Variants in ZNRF3 observed in about 807,000 individuals in gnomAD.
ZNRF3 encodes zinc and ring finger 3.
A neutral mutation model predicts 72.5 loss-of-function variants in ZNRF3; 23 were observed. The observed-to-expected ratio is 0.32, with a 90% confidence interval of 0.23 to 0.45. The LOEUF (loss-of-function observed/expected upper bound fraction) is 0.45. Ranked by LOEUF, ZNRF3 falls within the 20% of genes least tolerant of loss-of-function variation. The pLI, the probability that ZNRF3 is intolerant of heterozygous loss-of-function variation, is 1.00. For synonymous variants in ZNRF3, 610 were observed against 545.3 expected (o/e 1.12, Z -1.65); for missense variants, 1,169 against 1,272.1 (o/e 0.92, Z 1.23).
intron 1 of ZNRF3, among the ~76,000 whole-genome samples, chr22:28,949,911 G>T (rs2123793999): frequency 6.6e-6 from 1 of 152,114 alleles, no homozygotes. Context: ...ACTGTGCTTT[G>T]GTATGCAGCA....
chr22:28,894,496 G>A (rs1030266940), intron 1 of ZNRF3, among the ~76,000 whole-genome samples: 1 of 152,056 alleles, frequency 6.6e-6, no homozygotes, highest in Non-Finnish European at 1.5e-5. Context: ...GCAGGAACAC[G>A]GCGTCTGTCC....
intron 1 of ZNRF3, among the ~76,000 whole-genome samples, chr22:28,979,124 T>C (rs1263220647): frequency 6.6e-6 from 1 of 152,200 alleles, no homozygotes; most frequent in Non-Finnish European, 1.5e-5. Context: ...TGTTTGGCTG[T>C]CCTGTAGCCT....
At chr22:29,037,302 G>GT (rs2036884657) in intron 2 of ZNRF3, among the ~76,000 whole-genome samples, 1 of 152,164 alleles carries the variant, frequency 6.6e-6, no homozygotes, top group Non-Finnish European at 1.5e-5. Context: ...GGAATTCCTG[G>GT]TAAGTGGTGG....
Position 29,053,650 on chromosome 22 carries a change from T to G in ZNRF3, c.*28T>G. 6.2e-7 allele frequency: 1 copy of G among 1,610,436 alleles called. No individual in the cohort carries two copies. Among genetic ancestry groups the G allele is most frequent in the Non-Finnish European group, 8.5e-7 (1 of 1,178,156 alleles). ...TCAGGAGGAACTCTTACCTGGAAAT[T>G]GGGAACTGTATGGAGACTCCAAACT... On this transcript the variant is annotated 3_prime_UTR_variant, in exon 9 of 9. Transcript: ENST00000544604.
At chr22:28,885,867 T>C (rs1052340311) in intron 1 of ZNRF3, among the ~76,000 whole-genome samples, 1 of 151,870 alleles carries the variant, frequency 6.6e-6, no homozygotes, top group African/African-American at 2.4e-5. Context: ...GCAGAAGGAA[T>C]CTATTCTCTT....
intron 2 of ZNRF3, among the ~76,000 whole-genome samples, chr22:28,988,789 A>G (rs1007784624): frequency 1.3e-5 from 2 of 152,170 alleles, no homozygotes; most frequent in Non-Finnish European, 2.9e-5. Flanking sequence ...TTATGCAGGA[A>G]TTGGCTCCTT....
At chr22:28,921,649 G>A (rs2034515569) in intron 1 of ZNRF3, among the ~76,000 whole-genome samples, 1 of 152,212 alleles carries the variant, frequency 6.6e-6, no homozygotes, top group South Asian at 2.1e-4. Context: ...AGATGTGTCT[G>A]TCTCCCTAAC....
intron 1 of ZNRF3, among the ~76,000 whole-genome samples, chr22:28,924,096 A>G (rs927703633): frequency 4.6e-5 from 7 of 152,254 alleles, no homozygotes; most frequent in Non-Finnish European, 8.8e-5. Context: ...CTCTCTGCTG[A>G]TGTAATCGTA....
intron 1 of ZNRF3, among the ~76,000 whole-genome samples, chr22:28,896,560 G>A (rs1049205531): frequency 1.3e-5 from 2 of 152,232 alleles, no homozygotes; most frequent in Non-Finnish European, 2.9e-5. Context: ...CACTGTGCCC[G>A]GCCTGAGAAT....
At position 28,889,472 on chromosome 22, in the gene ZNRF3, G is replaced by T. The variant is rs2033847781; in HGVS notation, c.300+5406G>T. On this transcript the variant is annotated intron_variant, in intron 1 of 8. Transcript: ENST00000544604. The stretch of plus-strand genomic sequence containing the variant: ...ACAAGAGTTGTACGGAAGTCTACAG[G>T]TCTGGGTGCCTCCATTGAACATATT... Among the ~76,000 whole-genome samples the T allele has an allele frequency of 3.3e-5, 5 of 152,254 alleles. No individual in the cohort carries two copies. The South Asian group carries it at 1.0e-3, about 32-fold the overall frequency.
At chr22:29,032,463 T>C (rs2036781240) in intron 2 of ZNRF3, among the ~76,000 whole-genome samples, 1 of 152,194 alleles carries the variant, frequency 6.6e-6, no homozygotes, top group Non-Finnish European at 1.5e-5. Context: ...ACACGATGTC[T>C]GCATTCGAAC....
chr22:28,903,619 A>G (rs2034151422), intron 1 of ZNRF3, among the ~76,000 whole-genome samples: 1 of 152,038 alleles, frequency 6.6e-6, no homozygotes, highest in Non-Finnish European at 1.5e-5. Flanking sequence ...TGGGCTCTGC[A>G]TTCCTCTCCT....
chr22:28,894,499 G>A (rs955292851), intron 1 of ZNRF3, among the ~76,000 whole-genome samples: 6 of 152,208 alleles, frequency 3.9e-5, no homozygotes, highest in African/African-American at 9.6e-5. Flanking sequence ...GGAACACGGC[G>A]TCTGTCCAGG....
At position 29,019,728 on chromosome 22, in the gene ZNRF3, G is replaced by A. The variant is rs74856098; in HGVS notation, c.427-22767G>A. On this transcript the variant is annotated intron_variant, in intron 2 of 8. Transcript: ENST00000544604. ...ACTACACCAAGCACTTTACACCCAT[G>A]AACTATTTAATCCTCTCAACAACCC... is the stretch of plus-strand genomic sequence containing the variant. Among the ~76,000 whole-genome samples, 201 of 152,238 alleles carry A rather than the reference G, an allele frequency of 1.3e-3. 1 individual carries two copies. The highest frequency in any genetic ancestry group is 2.6e-3 in the Non-Finnish European group (174 of 68,014).
intron 2 of ZNRF3, among the ~76,000 whole-genome samples, chr22:28,996,086 T>C (rs2036041193): frequency 6.6e-6 from 1 of 152,034 alleles, no homozygotes; most frequent in Non-Finnish European, 1.5e-5. Flanking sequence ...AAAACTGTTT[T>C]CATGTAATAT....
intron 2 of ZNRF3, among the ~76,000 whole-genome samples, chr22:29,017,532 A>C (rs2036459242): frequency 6.6e-6 from 1 of 152,212 alleles, no homozygotes; most frequent in East Asian, 1.9e-4. Context: ...AATTTCTGAC[A>C]GTCAAACCAT....
chr22:28,893,963 C>T (rs1023779296), intron 1 of ZNRF3, among the ~76,000 whole-genome samples: 7 of 151,576 alleles, frequency 4.6e-5, no homozygotes, highest in Non-Finnish European at 1.0e-4. Flanking sequence ...TAGCCCTGCT[C>T]GCAACAGATA....
chr22:28,934,194 C>T (rs774705605), intron 1 of ZNRF3, among the ~76,000 whole-genome samples: 1 of 152,096 alleles, frequency 6.6e-6, no homozygotes, highest in Non-Finnish European at 1.5e-5. Flanking sequence ...TTGGAGCTGT[C>T]GTGCCTAATA....
chr22:28,946,098 A>G (rs1238210497), intron 1 of ZNRF3, among the ~76,000 whole-genome samples: 2 of 152,164 alleles, frequency 1.3e-5, no homozygotes, highest in Non-Finnish European at 2.9e-5. Context: ...GGGATGCTCA[A>G]CTGGTCCGTA....
Sources: gnomAD v4.1 joint callset for allele counts (sites outside exome capture counted in the v4.1 genomes callset) on GRCh38, gnomAD v4.1.1 for gene constraint, MANE v1.5 for transcripts, NCBI Gene and HGNC (gene_info 2026-07-23, HGNC 2026-07-21) for gene names.